The following RHBDL2 variants were observed in gnomAD, a reference collection of about 807,000 sequenced individuals.
The protein encoded by RHBDL2 is rhomboid-related protein 2.
RHBDL2 carries 26 observed loss-of-function variants against 31.7 expected under a neutral mutation model. The observed-to-expected ratio is 0.82, with a 90% CI of 0.60 to 1.14. The LOEUF is 1.14. Among genes scored for constraint, RHBDL2 ranks in the 50% most tolerant of loss-of-function variants. The pLI, the probability that RHBDL2 is intolerant of heterozygous loss-of-function variation, is 0.00. For missense variants in RHBDL2, 336 were observed against 364.4 expected, an observed-to-expected ratio of 0.92 and a Z score of 0.63; for synonymous variants, 123 against 127.2, an observed-to-expected ratio of 0.97 and a Z score of 0.22.
In RHBDL2 at chr1:38,910,767, T is replaced by TG. The variant is rs1382229210; in HGVS notation, c.508+554_508+555insC. Among the ~76,000 whole-genome samples, 23 of 146,566 alleles carry TG rather than the reference T, an allele frequency of 1.6e-4. No homozygotes were observed. In the East Asian group the frequency reaches 3.6e-3, roughly 23 times the overall value. The stretch of plus-strand genomic sequence containing the variant: ...TTATTCCTTTTCTTTTTTTTTTTTT[T>TG]TTTTTTGTTTGTTTGTTTGTTTGAG... On this transcript the variant is annotated intron_variant, in intron 4 of 7. Coordinates refer to ENST00000372990, the MANE Select transcript of RHBDL2 (RefSeq NM_017821.5).
At chr1:38,932,814 C>T (rs1188289158) in intron 1 of RHBDL2, among the ~76,000 whole-genome samples, 1 of 152,150 alleles carries the variant, frequency 6.6e-6, no homozygotes, top group African/African-American at 2.4e-5. Context: ...TAGCTACCAG[C>T]ATGCCTCATC....
Position 38,915,620 on chromosome 1 carries a change from T to C in RHBDL2, c.337A>G (p.Ser113Gly), listed in dbSNP as rs753898767. 3.0e-5 allele frequency: 48 copies of C among 1,613,994 alleles called. No homozygotes were observed. The Admixed American group carries it at 7.7e-4, about 26-fold the overall frequency. Residue 113 changes from serine to glycine, a missense_variant, in exon 3 of 8, where the codon AGT becomes GGT. Coordinates refer to ENST00000372990, the MANE Select transcript of RHBDL2 (RefSeq NM_017821.5). Reference protein sequence around the residue: ...TGILESPFIYSPEKREEAWRF... With the variant: ...TGILESPFIYGPEKREEAWRF... ...CAGGCTTCCTCCCTCTTCTCAGGAC[T>C]GTAGATAAAGGGACTCTCCAAGATG...
intron 1 of RHBDL2, among the ~76,000 whole-genome samples, chr1:38,925,517 A>T (rs997436970): frequency 8.0e-6 from 1 of 124,880 alleles, no homozygotes; most frequent in African/African-American, 4.2e-5. Context: ...ATTCTGTCTC[A>T]AAAAAAAAAA....
At chr1:38,927,418 C>T (rs1424855180) in intron 1 of RHBDL2, among the ~76,000 whole-genome samples, 1 of 152,014 alleles carries the variant, frequency 6.6e-6, no homozygotes, top group Non-Finnish European at 1.5e-5. Flanking sequence ...CAGAGCCAGA[C>T]TCCATCTCAA....
intron 1 of RHBDL2, among the ~76,000 whole-genome samples, chr1:38,920,789 G>A (rs78985564): frequency 8.4e-6 from 1 of 118,864 alleles, no homozygotes; most frequent in African/African-American, 3.3e-5. Flanking sequence ...TTTTTTTTTT[G>A]TATTTTTAGT....
intron 1 of RHBDL2, among the ~76,000 whole-genome samples, chr1:38,932,696 G>A (rs1191918758): frequency 1.3e-5 from 2 of 152,130 alleles, no homozygotes; most frequent in African/African-American, 2.4e-5. Flanking sequence ...CTGAGCTCAC[G>A]CGATCCACCC....
intron 1 of RHBDL2, among the ~76,000 whole-genome samples, chr1:38,933,571 A>G (rs764165290): frequency 2.6e-5 from 4 of 152,160 alleles, no homozygotes; most frequent in Non-Finnish European, 4.4e-5. Flanking sequence ...GAGCTCTGAC[A>G]TTGCAGGAGT....
chr1:38,908,328 C>T (rs1354545041), intron 4 of RHBDL2, among the ~76,000 whole-genome samples: 1 of 151,842 alleles, frequency 6.6e-6, no homozygotes, highest in African/African-American at 2.4e-5. Flanking sequence ...GCCTGACCAA[C>T]ATGGAGAAAC....
intron 5 of RHBDL2, among the ~76,000 whole-genome samples, chr1:38,894,636 C>CA (rs34562775): frequency 6.7e-6 from 1 of 149,218 alleles, no homozygotes; most frequent in East Asian, 2.0e-4. Flanking sequence ...ATTTATCCTA[C>CA]AAAAAAAATT....
At chr1:38,904,948 G>A (rs1463770933) in intron 4 of RHBDL2, among the ~76,000 whole-genome samples, 3 of 149,806 alleles carry the variant, frequency 2.0e-5, no homozygotes, top group Admixed American at 1.3e-4. Context: ...GGAGAATGGC[G>A]TGAACCCAGG....
chr1:38,934,496 A>G (rs1179419971), intron 1 of RHBDL2, among the ~76,000 whole-genome samples: 1 of 151,370 alleles, frequency 6.6e-6, no homozygotes, highest in African/African-American at 2.4e-5. Context: ...CTCTACTAAA[A>G]ATACAAAAAA....
chr1:38,928,698 G>A (rs760723133), intron 1 of RHBDL2, among the ~76,000 whole-genome samples: 45 of 152,014 alleles, frequency 3.0e-4, no homozygotes, highest in African/African-American at 9.7e-4. Flanking sequence ...CACCCGCCTC[G>A]GCATCCCAAC....
At chr1:38,905,120 G>A (rs904555926) in intron 4 of RHBDL2, among the ~76,000 whole-genome samples, 4 of 151,902 alleles carry the variant, frequency 2.6e-5, no homozygotes, top group East Asian at 3.9e-4. Flanking sequence ...GGCCAGGCAC[G>A]GTGGCTCACG....
chr1:38,911,777 C>T (rs1229796516), intron 3 of RHBDL2, among the ~76,000 whole-genome samples: 1 of 151,640 alleles, frequency 6.6e-6, no homozygotes, highest in East Asian at 2.0e-4. Context: ...GTAGCTGGGA[C>T]TACAGGCATG....
At chr1:38,910,612 T>C (rs74067172) in intron 4 of RHBDL2, among the ~76,000 whole-genome samples, 3,464 of 152,230 alleles carry the variant, frequency 0.023, 135 homozygotes, top group African/African-American at 0.077. Flanking sequence ...CTTAAAGTTG[T>C]CTTTCTTAAA....
intron 7 of RHBDL2, among the ~76,000 whole-genome samples, chr1:38,887,129 C>T (rs1420511887): frequency 2.0e-5 from 3 of 151,310 alleles, no homozygotes; most frequent in Non-Finnish European, 4.4e-5. Context: ...AGACAAATCA[C>T]AGCAAAACTG....
chr1:38,892,394 C>G (rs2124301969), intron 6 of RHBDL2, among the ~76,000 whole-genome samples: 1 of 152,226 alleles, frequency 6.6e-6, no homozygotes, highest in South Asian at 2.1e-4. Flanking sequence ...ATAAGTGAAG[C>G]TATTGTGGTT....
At chr1:38,887,148 T>C (rs182989750) in intron 7 of RHBDL2, among the ~76,000 whole-genome samples, 5 of 152,284 alleles carry the variant, frequency 3.3e-5, no homozygotes, top group African/African-American at 1.2e-4. Flanking sequence ...TGGAAAATTT[T>C]GTCAATTTTC....
rs2147914 is a variant in RHBDL2, at chr1:38,886,599, G to T, written c.817C>A (p.Leu273Met). The T allele has an allele frequency of 0.43, 688,886 of 1,605,804 alleles. 152,727 individuals carry two copies. The highest frequency in any genetic ancestry group is 0.47 in the Admixed American group (27,624 of 59,262). Residue 273 changes from leucine to methionine, a missense_variant, in exon 8 of 8, where the codon CTG becomes ATG. Leu to Met is a conservative substitution (Grantham distance 15, BLOSUM62 2). Coordinates refer to ENST00000372990, the MANE Select transcript of RHBDL2 (RefSeq NM_017821.5). Reference sequence around the variant, plus strand: ...GCTATCCAAAACCTTGGATCTTTCAGCAGTGCTTTATCAAAGCAGCTAAAC... The same window carrying T: ...GCTATCCAAAACCTTGGATCTTTCATCAGTGCTTTATCAAAGCAGCTAAAC... ...TVFSCFDKAL[L>M]KDPRFWIAIA...
Sources: gnomAD v4.1 joint callset for allele counts (sites outside exome capture counted in the v4.1 genomes callset) on GRCh38, gnomAD v4.1.1 for gene constraint, MANE v1.5 for transcripts, NCBI Gene and HGNC (gene_info 2026-07-23, HGNC 2026-07-21) for gene names.